Variants in UGT8 observed in about 807,000 individuals in gnomAD.
UGT8 encodes 2-hydroxyacylsphingosine 1-beta-galactosyltransferase.
UGT8 carries 12 observed loss-of-function variants against 40.5 expected under a neutral mutation model. That is an observed-to-expected ratio of 0.30 (90% CI 0.19 to 0.48). The LOEUF (loss-of-function observed/expected upper bound fraction) is 0.48. Among genes scored for constraint, UGT8 ranks in the 20% least tolerant of loss-of-function variants. The pLI is 0.99. For synonymous variants in UGT8, 224 were observed against 240.4 expected (o/e 0.93, Z 0.63); for missense variants, 513 against 648.7 (o/e 0.79, Z 2.27).
intron 2 of UGT8, among the ~76,000 whole-genome samples, chr4:114,640,237 A>C (rs1733138880): frequency 1.3e-5 from 2 of 151,852 alleles, no homozygotes; most frequent in South Asian, 2.1e-4. Flanking sequence ...TCACCGTGTT[A>C]GCCAGGATGG....
intron 2 of UGT8, among the ~76,000 whole-genome samples, chr4:114,646,367 A>G (rs1733570983): frequency 6.6e-6 from 1 of 151,796 alleles, no homozygotes; most frequent in Non-Finnish European, 1.5e-5. Context: ...ATATACATAC[A>G]TATATCTATA....
chr4:114,641,054 A>G (rs1015499685), intron 2 of UGT8, among the ~76,000 whole-genome samples: 4 of 152,204 alleles, frequency 2.6e-5, no homozygotes, highest in African/African-American at 4.8e-5. Context: ...AAACTTTTGC[A>G]TGTGCTGTGT....
intron 2 of UGT8, among the ~76,000 whole-genome samples, chr4:114,652,203 A>C (rs912619070): frequency 1.3e-5 from 2 of 152,062 alleles, no homozygotes; most frequent in Non-Finnish European, 2.9e-5. Flanking sequence ...GACCTGTTGA[A>C]TTTCAATAGA....
intron 2 of UGT8, among the ~76,000 whole-genome samples, chr4:114,655,385 T>C (rs1734121883): frequency 6.6e-6 from 1 of 152,056 alleles, no homozygotes. Flanking sequence ...TCCACATAAG[T>C]TGTTTTGAAA....
intron 5 of UGT8, among the ~76,000 whole-genome samples, chr4:114,674,030 TAAC>T (rs1281936864): frequency 6.6e-6 from 1 of 152,238 alleles, no homozygotes; most frequent in Non-Finnish European, 1.5e-5. Flanking sequence ...CTCTCACTCC[TAAC>T]AACCTTCTGT....
intron 5 of UGT8, among the ~76,000 whole-genome samples, chr4:114,671,156 G>A (rs1735246892): frequency 6.6e-6 from 1 of 152,146 alleles, no homozygotes; most frequent in African/African-American, 2.4e-5. Context: ...AAGGAAATGA[G>A]AGGACACAAA....
chr4:114,664,189 T>C, intron 3 of UGT8, 52 bp downstream of exon 3: 2 of 1,591,434 alleles, frequency 1.3e-6, no homozygotes, highest in Non-Finnish European at 1.7e-6. Context: ...AATATCTCCT[T>C]GTTTAGTGCA....
intron 5 of UGT8, among the ~76,000 whole-genome samples, chr4:114,675,087 GGT>G (rs1357484667): frequency 5.9e-5 from 9 of 151,990 alleles, no homozygotes; most frequent in Non-Finnish European, 7.4e-5. Flanking sequence ...CTGACTTCAT[GGT>G]GTTTCCCAAC....
chr4:114,645,850 C>T (rs1733537543), intron 2 of UGT8, among the ~76,000 whole-genome samples: 1 of 152,088 alleles, frequency 6.6e-6, no homozygotes, highest in Non-Finnish European at 1.5e-5. Context: ...TTACACATTT[C>T]AGGACTCTGT....
intron 2 of UGT8, among the ~76,000 whole-genome samples, chr4:114,645,756 T>G (rs1733530002): frequency 1.3e-5 from 2 of 152,148 alleles, no homozygotes; most frequent in African/African-American, 4.8e-5. Flanking sequence ...GTAGATTTGT[T>G]AGATTTGTGC....
At chr4:114,640,033 G>GTA (rs1553934026) in intron 2 of UGT8, among the ~76,000 whole-genome samples, 3 of 139,246 alleles carry the variant, frequency 2.2e-5, no homozygotes. Flanking sequence ...ATGTTTGTTT[G>GTA]TTTTTTTTTT....
chr4:114,669,653 A>G (rs532947771), intron 5 of UGT8, among the ~76,000 whole-genome samples: 172 of 152,308 alleles, frequency 1.1e-3, no homozygotes, highest in African/African-American at 3.8e-3. Flanking sequence ...ACAGGTTGCA[A>G]TCTTAGGTCA....
chr4:114,654,036 C>T (rs1734033042), intron 2 of UGT8, among the ~76,000 whole-genome samples: 1 of 152,022 alleles, frequency 6.6e-6, no homozygotes, highest in African/African-American at 2.4e-5. Context: ...TATCAGTGGA[C>T]TTCAAAAGGG....
chr4:114,659,323 T>C (rs1734377320), intron 2 of UGT8, among the ~76,000 whole-genome samples: 1 of 152,212 alleles, frequency 6.6e-6, no homozygotes, highest in Non-Finnish European at 1.5e-5. Context: ...TCAAAAGACA[T>C]AGAAAATTAC....
chr4:114,661,829 A>G (rs1018661490), intron 2 of UGT8, among the ~76,000 whole-genome samples: 4 of 152,320 alleles, frequency 2.6e-5, no homozygotes, highest in African/African-American at 9.6e-5. Context: ...CCTGAAGGAA[A>G]CATGATGAAT....
chr4:114,650,581 A>G (rs1269175655), intron 2 of UGT8, among the ~76,000 whole-genome samples: 4 of 152,190 alleles, frequency 2.6e-5, no homozygotes, highest in African/African-American at 9.6e-5. Flanking sequence ...CTTATATTTT[A>G]TGAGATACTT....
chr4:114,669,467 T>G (rs187535473), intron 5 of UGT8, among the ~76,000 whole-genome samples: 1 of 152,272 alleles, frequency 6.6e-6, no homozygotes, highest in East Asian at 1.9e-4. Context: ...TGTATCTATC[T>G]TCAATCTTTC....
chr4:114,640,443 A>G (rs532458755), intron 2 of UGT8, among the ~76,000 whole-genome samples: 4 of 150,904 alleles, frequency 2.7e-5, no homozygotes, highest in Non-Finnish European at 4.4e-5. Flanking sequence ...GACATCCAAA[A>G]TAAAATAAGA....
chr4:114,634,292 C>CA (rs1732756625), intron 2 of UGT8, among the ~76,000 whole-genome samples: 1 of 152,072 alleles, frequency 6.6e-6, no homozygotes, highest in African/African-American at 2.4e-5. Flanking sequence ...TGAGTGGATT[C>CA]AAAAGTCAAA....
Sources: gnomAD v4.1 joint callset for allele counts (sites outside exome capture counted in the v4.1 genomes callset) on GRCh38, gnomAD v4.1.1 for gene constraint, MANE v1.5 for transcripts, NCBI Gene and HGNC (gene_info 2026-07-23, HGNC 2026-07-21) for gene names.